The following ATOH8 variants were observed in gnomAD, a reference collection of about 807,000 sequenced individuals.
ATOH8 encodes the protein atonal bHLH transcription factor 8.
A neutral mutation model predicts 21.2 loss-of-function variants in ATOH8; 9 were observed. The observed-to-expected ratio is 0.42, with a 90% CI of 0.26 to 0.74. The LOEUF (loss-of-function observed/expected upper bound fraction) is 0.74. Ranked by LOEUF, ATOH8 falls within the 30% of genes least tolerant of loss-of-function variation. ATOH8 has a pLI of 0.24. For synonymous variants in ATOH8, 253 were observed against 224.0 expected, an observed-to-expected ratio of 1.13 and a Z score of -1.16; for missense variants, 524 against 470.9, an observed-to-expected ratio of 1.11 and a Z score of -1.04.
chr2:85,758,945 T>A (rs1030571665), intron 1 of ATOH8, among the ~76,000 whole-genome samples: 2 of 152,178 alleles, frequency 1.3e-5, no homozygotes, highest in African/African-American at 4.8e-5. Context: ...TGCCCACCCT[T>A]GGGGCATGTG....
At chr2:85,772,714 C>G in intron 2 of ATOH8, 1 of 456,904 alleles carries the variant, frequency 2.2e-6, no homozygotes, top group South Asian at 1.6e-5. Flanking sequence ...AGGAAACTCG[C>G]TTATGAATAA....
chr2:85,769,284 C>T (rs1386326910), intron 2 of ATOH8, among the ~76,000 whole-genome samples: 1 of 152,246 alleles, frequency 6.6e-6, no homozygotes, highest in Non-Finnish European at 1.5e-5. Context: ...AGTTCCTGCC[C>T]TCAAGTTGCT....
At chr2:85,786,291 T>C (rs1232988917) in intron 2 of ATOH8, among the ~76,000 whole-genome samples, 1 of 152,220 alleles carries the variant, frequency 6.6e-6, no homozygotes, top group Non-Finnish European at 1.5e-5. Context: ...TGTGTTAGTG[T>C]TCCATGTACT....
intron 2 of ATOH8, among the ~76,000 whole-genome samples, 153 bp downstream of exon 2, chr2:85,764,335 C>T (rs1377944234): frequency 1.3e-5 from 2 of 152,168 alleles, no homozygotes; most frequent in East Asian, 1.9e-4. Context: ...CTTCAGTGCT[C>T]CTCAAATCCC....
chr2:85,786,081 A>G (rs1389420321), intron 2 of ATOH8, among the ~76,000 whole-genome samples: 1 of 152,206 alleles, frequency 6.6e-6, no homozygotes, highest in East Asian at 1.9e-4. Context: ...TTCAGCTGCC[A>G]GAATGAGGAT....
chr2:85,772,597 G>C (rs1680216784), intron 2 of ATOH8: 1 of 419,252 alleles, frequency 2.4e-6, no homozygotes, highest in Non-Finnish European at 4.7e-6. Flanking sequence ...CTGGCCATCT[G>C]TTCCCAAAAA....
chr2:85,787,237 G>GA lies in ATOH8; in HGVS notation c.*351dup. ...AAATGGGGTGGTGAAACCCCACAGC[G>GA]AAAAGCCACACCGTTGCTCTGTGAC... On this transcript the variant is annotated 3_prime_UTR_variant, in exon 3 of 3. Transcript: ENST00000306279. The GA allele has an allele frequency of 3.0e-6, 1 of 337,700 alleles. No homozygotes were observed. 20.9% of individuals were successfully genotyped at this position (337,700 alleles called of 1,614,324 possible).
At chr2:85,755,026 C>T (rs1679644101) in intron 1 of ATOH8, 69 bp downstream of exon 1, 4 of 1,487,520 alleles carry the variant, frequency 2.7e-6, no homozygotes, top group East Asian at 2.4e-5. Context: ...GGCGAGTGGC[C>T]GGGGCGGGAT....
intron 2 of ATOH8, among the ~76,000 whole-genome samples, chr2:85,771,459 G>C (rs890220553): frequency 6.6e-6 from 1 of 152,170 alleles, no homozygotes; most frequent in African/African-American, 2.4e-5. Flanking sequence ...AACTTAATTG[G>C]AACCCCGGGA....
rs2104503480 is a variant in ATOH8, at chr2:85,762,434, TAATC to T, written c.769-1554_769-1551del. Among the ~76,000 whole-genome samples the T allele has an allele frequency of 1.3e-5, 2 of 152,350 alleles. 1 individual carries two copies. The highest frequency in any genetic ancestry group is 3.9e-4 in the East Asian group (2 of 5,190). On this transcript the variant is annotated intron_variant, in intron 1 of 2. Transcript: ENST00000306279. Reference sequence around the variant, plus strand: ...TCATTCATTTGTTCACTCATTGCCTTAATCAACAAACCCTTTTGAGGGCCTGTTA... The same window carrying T: ...TCATTCATTTGTTCACTCATTGCCTTAACAAACCCTTTTGAGGGCCTGTTA...
At chr2:85,773,632 A>G (rs949673873) in intron 2 of ATOH8, 6 of 152,294 alleles carry the variant, frequency 3.9e-5, no homozygotes, top group African/African-American at 1.4e-4. Flanking sequence ...CCAGATCCAG[A>G]AGCCCCAGCA....
chr2:85,764,113 C>T lies in ATOH8; in HGVS notation c.891C>T (p.Leu297=), dbSNP rs1679940830. 1 of 1,614,202 alleles carries T rather than the reference C, an allele frequency of 6.2e-7. No homozygotes were observed. The highest frequency in any genetic ancestry group is 1.1e-5 in the South Asian group (1 of 91,084). Reference sequence around the variant, plus strand: ...ACTACAGTGCCGACCACAGCAACCTCAGCTTCTCCGAGTGTGTGCAGCGCT... The same window carrying T: ...ACTACAGTGCCGACCACAGCAACCTTAGCTTCTCCGAGTGTGTGCAGCGCT... ...DLDYSADHSN[L]SFSECVQRCT... Residue 297 remains leucine, a synonymous_variant, in exon 2 of 3, where the codon CTC becomes CTT. Transcript: ENST00000306279.
chr2:85,776,706 T>G (rs184380939), intron 2 of ATOH8, among the ~76,000 whole-genome samples: 2 of 152,256 alleles, frequency 1.3e-5, no homozygotes, highest in African/African-American at 4.8e-5. Context: ...ATTTCAAAAT[T>G]GCTCTACCTG....
At chr2:85,755,016 G>A (rs1679643590) in intron 1 of ATOH8, 59 bp downstream of exon 1, 1 of 1,507,834 alleles carries the variant, frequency 6.6e-7, no homozygotes, top group African/African-American at 1.4e-5. Flanking sequence ...GGAATGGGTG[G>A]GCGAGTGGCC....
At chr2:85,767,696 T>C (rs1680060739) in intron 2 of ATOH8, among the ~76,000 whole-genome samples, 1 of 151,174 alleles carries the variant, frequency 6.6e-6, no homozygotes, top group African/African-American at 2.4e-5. Flanking sequence ...GAACACTTCT[T>C]GGTCTAGAGG....
rs542291203 is a variant in ATOH8 at position 85,785,232 on chromosome 2, C to T, written c.961-1653C>T. Among the ~76,000 whole-genome samples, 14 of 152,224 alleles carry T rather than the reference C, an allele frequency of 9.2e-5. No homozygotes were observed. The highest frequency in any genetic ancestry group is 2.2e-4 in the African/African-American group (9 of 41,460). On this transcript the variant is annotated intron_variant, in intron 2 of 2. Coordinates refer to ENST00000306279, the MANE Select transcript of ATOH8 (RefSeq NM_032827.7). This position sits in a 1 kb window ranked among gnomAD's most constrained non-coding sequence, Gnocchi z 4.1. ...CAGGGCCCGCCCAGGCAGCCAGCGC[C>T]GGGATGACGCGAGCTGTAAATCACC...
Position 85,754,071 on chromosome 2 carries a change from G to T in ATOH8, c.-119G>T, listed in dbSNP as rs1573516154. On this transcript the variant is annotated 5_prime_UTR_variant, in exon 1 of 3. Coordinates refer to ENST00000306279, the MANE Select transcript of ATOH8 (RefSeq NM_032827.7). Reference sequence around the variant, plus strand: ...CGGCGCAGCTGCCCGGGGCGAGGGGGAGAAAGGGAGAGAGGGAGGGGGAGG... The same window carrying T: ...CGGCGCAGCTGCCCGGGGCGAGGGGTAGAAAGGGAGAGAGGGAGGGGGAGG... The T allele has an allele frequency of 8.1e-7, 1 of 1,233,910 alleles. No individual in the cohort carries two copies. The highest frequency in any genetic ancestry group is 1.9e-5 in the South Asian group (1 of 53,828). The allele number at this position is 1,233,910 out of a possible 1,614,324, so 76.4% of individuals were successfully genotyped here. A position where few individuals can be genotyped will look rare whatever the true frequency, so the allele number is the denominator to read the frequency against.
chr2:85,758,746 A>G (rs1185340971), intron 1 of ATOH8, among the ~76,000 whole-genome samples: 2 of 152,222 alleles, frequency 1.3e-5, no homozygotes, highest in Admixed American at 1.3e-4. Context: ...AGGCCCCAGC[A>G]CATGCCACCA....
At chr2:85,756,393 A>G (rs1184772861) in intron 1 of ATOH8, among the ~76,000 whole-genome samples, 1 of 152,202 alleles carries the variant, frequency 6.6e-6, no homozygotes, top group Non-Finnish European at 1.5e-5. Flanking sequence ...ACAGAAGGGC[A>G]GAGAGATGCC....
Sources: gnomAD v4.1 joint callset for allele counts (sites outside exome capture counted in the v4.1 genomes callset) on GRCh38, gnomAD v4.1.1 for gene constraint, Gnocchi (gnomAD v3.1) non-coding constraint, MANE v1.5 for transcripts, NCBI Gene and HGNC (gene_info 2026-07-23, HGNC 2026-07-21) for gene names.